Variants in TGM1 observed in about 807,000 individuals in gnomAD.
TGM1 encodes protein-glutamine gamma-glutamyltransferase K.
TGM1 carries 63 observed loss-of-function variants against 88.7 expected under a neutral mutation model. The ratio of observed to expected loss-of-function variants is 0.71; its 90% CI spans 0.58 to 0.88. The LOEUF (loss-of-function observed/expected upper bound fraction) is 0.88. Ranked by LOEUF, TGM1 falls within the 40% of genes least tolerant of loss-of-function variation. The probability of loss-of-function intolerance (pLI) is 0.00; values close to 1 mark genes in which losing one functional copy is unlikely to be tolerated. For missense variants in TGM1, 996 were observed against 1,118.0 expected (o/e 0.89, Z 1.56); for synonymous variants, 415 against 431.1 (o/e 0.96, Z 0.46).
At chr14:24,256,169 C>T (rs2748527) in intron 9 of TGM1, 92 bp from the exon 10 acceptor site, 1 of 1,107,976 alleles carries the variant, frequency 9.0e-7, no homozygotes, top group African/African-American at 1.6e-5. Flanking sequence ...GCCCCAGCCC[C>T]ACCCACTCAG....
intron 4 of TGM1, 118 bp downstream of exon 4, chr14:24,260,332 T>G (rs1295899613): frequency 6.6e-7 from 1 of 1,506,150 alleles, no homozygotes; most frequent in Non-Finnish European, 9.0e-7. Flanking sequence ...ATCTGCCCAA[T>G]GGGAGGCTGG....
intron 3 of TGM1, among the ~76,000 whole-genome samples, chr14:24,261,312 G>T (rs1031900296): frequency 6.6e-6 from 1 of 152,196 alleles, no homozygotes; most frequent in Non-Finnish European, 1.5e-5. Context: ...GAGAGAGACA[G>T]AATTGGCAGA....
chr14:24,260,016 T>A lies in TGM1; in HGVS notation c.800A>T (p.Tyr267Phe), dbSNP rs762845943. ...YVDHEDWRQE[Y>F]VLNESGRIYY... ...AATTCTCCCAGACTCATTAAGAACA[T>A]ACTCCTGCCGCCAATCCTCATGGTC... Residue 267 changes from tyrosine (Y) to phenylalanine (F), a missense_variant, in exon 5 of 15, where the codon TAT (tyrosine) becomes TTT (phenylalanine). By Grantham distance (22) the Tyr-to-Phe change is conservative. Coordinates refer to ENST00000206765, the MANE Select transcript of TGM1 (RefSeq NM_000359.3). 2 of 1,614,170 alleles carry A rather than the reference T, an allele frequency of 1.2e-6. No individual in the cohort carries two copies. The highest frequency in any genetic ancestry group is 1.7e-6 in the Non-Finnish European group (2 of 1,180,036).
In TGM1 at chr14:24,255,354, G is replaced by A. The variant is rs2040741534; in HGVS notation, c.1645+10C>T. The A allele has an allele frequency of 1.9e-6, 3 of 1,614,216 alleles. No homozygotes were observed. Among genetic ancestry groups the A allele is most frequent in the Admixed American group, 1.7e-5 (1 of 60,018 alleles). On this transcript the variant is annotated intron_variant, in intron 11 of 14. Transcript: ENST00000206765. This position sits in a 1 kb window ranked among gnomAD's most constrained non-coding sequence, Gnocchi z 4.0. ...GGGGCCCAGAGCTGGCTGGGTTGGG[G>A]GAATGGTACCTTCTGGGTGCTTATA...
chr14:24,259,293 T>G lies in TGM1; in HGVS notation c.985-44A>C. On this transcript the variant is annotated intron_variant, in intron 6 of 14. Coordinates refer to ENST00000206765, the MANE Select transcript of TGM1 (RefSeq NM_000359.3). This position sits in a 1 kb window ranked among gnomAD's most constrained non-coding sequence, Gnocchi z 5.7. ...GATAGGGCGGAGGTGGAGGAGGGGC[T>G]CAGGACCTGCCATGTGGTCCATGGG... The G allele has an allele frequency of 6.4e-7, 1 of 1,569,680 alleles. No homozygotes were observed. Among genetic ancestry groups the G allele is most frequent in the Non-Finnish European group, 8.7e-7 (1 of 1,153,614 alleles).
chr14:24,261,564 C>T, intron 3 of TGM1, 131 bp downstream of exon 3: 2 of 1,199,530 alleles, frequency 1.7e-6, no homozygotes, highest in Non-Finnish European at 2.4e-6. Context: ...CACCCACACA[C>T]TTGCACCTGC....
chr14:24,249,555 C>A lies in TGM1; in HGVS notation c.2226-14G>T, dbSNP rs994156584. The stretch of plus-strand genomic sequence containing the variant: ...CCTCCAATGTCCCTGTGGGCAGAGA[C>A]AAGGTCATGGGCCTGGAGTAATTGG... On this transcript the variant is annotated splice_polypyrimidine_tract_variant and intron_variant, in intron 14 of 14. Coordinates refer to ENST00000206765, the MANE Select transcript of TGM1 (RefSeq NM_000359.3). The A allele has an allele frequency of 6.2e-7, 1 of 1,611,268 alleles. No individual in the cohort carries two copies. The highest frequency in any genetic ancestry group is 8.5e-7 in the Non-Finnish European group (1 of 1,178,494).
chr14:24,249,372 C>A lies in TGM1; in HGVS notation c.2395G>T (p.Ala799Ser). 1.2e-6 allele frequency: 2 copies of A among 1,614,036 alleles called. No individual in the cohort carries two copies. Among genetic ancestry groups the A allele is most frequent in the Non-Finnish European group, 1.7e-6 (2 of 1,180,010 alleles). The stretch of plus-strand genomic sequence containing the variant: ...TCTCCTAAGTGACTGTCACCTCCAG[C>A]GTCTGAGAAGAAGCCCCCATCCCCA... Reference protein sequence around the residue: ...APGDGGFFSDAGGDSHLGETI... With the variant: ...APGDGGFFSDSGGDSHLGETI... Residue 799 changes from alanine (A) to serine (S), a missense_variant, in exon 15 of 15, where the codon GCT (alanine) becomes TCT (serine). Physicochemically the swap from Ala to Ser is moderately conservative, Grantham distance 99 (BLOSUM62 1). Transcript: ENST00000206765.
intron 13 of TGM1, 98 bp downstream of exon 13, chr14:24,254,566 A>G: frequency 1.3e-6 from 2 of 1,586,588 alleles, no homozygotes. Flanking sequence ...AAGGCTCATC[A>G]GGCCAGCCTG....
Position 24,249,461 on chromosome 14 carries a change from C to A in TGM1, c.2306G>T (p.Ser769Ile). The A allele has an allele frequency of 6.2e-7, 1 of 1,614,108 alleles. No homozygotes were observed. Among genetic ancestry groups the A allele is most frequent in the Non-Finnish European group, 8.5e-7 (1 of 1,180,034 alleles). ...CTGGGAGAGCTGTGGGCTGTCCAAGCTGGCAATGAGCTGGCGGGGGCCTGG... is the reference window on the plus strand; with the variant it reads ...CTGGGAGAGCTGTGGGCTGTCCAAGATGGCAATGAGCTGGCGGGGGCCTGG... ...VRPGPRQLIA[S>I]LDSPQLSQVH... is the part of the protein sequence containing the mutation. The change falls in exon 15 of 15, where the codon AGC becomes ATC. Residue 769 changes from serine (S) to isoleucine (I), a missense_variant. Physicochemically the swap from Ser to Ile is moderately radical, Grantham distance 142. Transcript: ENST00000206765.
Position 24,255,202 on chromosome 14 carries a change from T to C in TGM1, c.1697A>G (p.Lys566Arg). ...AVETAAAHGS[K>R]PNVYANRGSA... ...GCCCCGGTTGGCATACACATTGGGT[T>C]TGCTGCCGTGGGCTGCTGCTGTCTC... Residue 566 changes from lysine (K) to arginine (R), a missense_variant, in exon 12 of 15, where the codon AAA becomes AGA. Transcript: ENST00000206765. The surrounding 1 kb of genome is among the most constrained non-coding windows in gnomAD (Gnocchi z 4.0). 6.2e-7 allele frequency: 1 copy of C among 1,613,972 alleles called. No individual in the cohort carries two copies. The highest frequency in any genetic ancestry group is 8.5e-7 in the Non-Finnish European group (1 of 1,180,020).
At position 24,249,377 on chromosome 14, in the gene TGM1, G is replaced by A; in HGVS notation, c.2390C>T (p.Ser797Leu). ...APAPGDGGFF[S>L]DAGGDSHLGE... Reference sequence around the variant, plus strand: ...TAAGTGACTGTCACCTCCAGCGTCTGAGAAGAAGCCCCCATCCCCAGGGGC... The same window carrying A: ...TAAGTGACTGTCACCTCCAGCGTCTAAGAAGAAGCCCCCATCCCCAGGGGC... The change falls in exon 15 of 15, where the codon TCA (serine) becomes TTA (leucine). Residue 797 changes from serine (S) to leucine (L), a missense_variant. Physicochemically the swap from Ser to Leu is moderately radical, Grantham distance 145. Transcript: ENST00000206765. The A allele has an allele frequency of 6.2e-7, 1 of 1,614,080 alleles. No homozygotes were observed. The highest frequency in any genetic ancestry group is 8.5e-7 in the Non-Finnish European group (1 of 1,180,030).
intron 9 of TGM1, 78 bp from the exon 10 acceptor site, chr14:24,256,155 C>T (rs1040222531): frequency 2.5e-5 from 32 of 1,261,694 alleles, no homozygotes; most frequent in Admixed American, 4.0e-5. Flanking sequence ...AAGGTCCACA[C>T]AGGGCCCCAG....
At chr14:24,251,893 G>A (rs950957579) in intron 14 of TGM1, among the ~76,000 whole-genome samples, 3 of 152,180 alleles carry the variant, frequency 2.0e-5, no homozygotes, top group African/African-American at 7.2e-5. Flanking sequence ...CCCCTAAGAA[G>A]GCAGACTGAC....
chr14:24,255,550 AGC>A lies in TGM1; in HGVS notation c.1492-35_1492-34del, dbSNP rs1244592968. ...GGGTGGGGGTGAGCAGGAATGAGTG[AGC>A]CAGAGGGTCTGAGGGTGGCCTGACT... On this transcript the variant is annotated intron_variant, in intron 10 of 14. Transcript: ENST00000206765. The surrounding 1 kb of genome is among the most constrained non-coding windows in gnomAD (Gnocchi z 4.0). 1 of 1,611,708 alleles carries A rather than the reference AGC, an allele frequency of 6.2e-7. No individual in the cohort carries two copies. The highest frequency in any genetic ancestry group is 8.5e-7 in the Non-Finnish European group (1 of 1,179,912).
chr14:24,256,052 A>G lies in TGM1; in HGVS notation c.1428T>C (p.Ser476=), dbSNP rs1219514685. The change falls in exon 10 of 15, where the codon TCT becomes TCC. Residue 476 remains serine, a synonymous_variant. Transcript: ENST00000206765. ...SSGIFCCGPC[S]VESIKNGLVY... ...CCAGGCCATTCTTGATGGACTCCAC[A>G]GAGCAGGGGCCGCAGCAGAAGATGC... is the stretch of plus-strand genomic sequence containing the variant. 6.4e-7 allele frequency: 1 copy of G among 1,570,394 alleles called. No homozygotes were observed. Among genetic ancestry groups the G allele is most frequent in the Middle Eastern group, 1.7e-4 (1 of 6,008 alleles).
At chr14:24,260,247 C>T in intron 4 of TGM1, 189 bp from the exon 5 acceptor site, 4 of 981,516 alleles carry the variant, frequency 4.1e-6, no homozygotes, top group Non-Finnish European at 6.2e-6. Context: ...TAGCCAGGGG[C>T]CTTTGCCAGG....
rs1272975872 is a variant in TGM1, at chr14:24,261,694, C to T, written c.508+1G>A. The T allele has an allele frequency of 6.8e-6, 11 of 1,614,128 alleles. No individual in the cohort carries two copies. Among genetic ancestry groups the T allele is most frequent in the Non-Finnish European group, 9.3e-6 (11 of 1,180,004 alleles). On this transcript the variant is annotated splice_donor_variant, in intron 3 of 14. Transcript: ENST00000206765. LOFTEE classifies it high-confidence loss of function. ...CCCGTCCCAATCCAAGCCCCACTGA[C>T]CGATGAGTAACTCAAGGGTGATGCG...
rs149148326 is a variant in TGM1 at position 24,262,253 on chromosome 14, G to A, written c.100C>T (p.Arg34Cys). 3.7e-5 allele frequency: 60 copies of A among 1,613,556 alleles called. No individual in the cohort carries two copies. The highest frequency in any genetic ancestry group is 2.1e-4 in the African/African-American group (16 of 74,946). ...GAACGGCCTCCTCCTCTGCGAGAGCGTCCGTCTGGCTCTGGCTCTGGCTCT... is the reference window on the plus strand; with the variant it reads ...GAACGGCCTCCTCCTCTGCGAGAGCATCCGTCTGGCTCTGGCTCTGGCTCT... ...SPEPEPEPDGRSRRGGGRSFW... is the reference protein window; with the variant it reads ...SPEPEPEPDGCSRRGGGRSFW... The change falls in exon 2 of 15, where the codon CGC (arginine) becomes TGC (cysteine). Residue 34 changes from arginine (R) to cysteine (C), a missense_variant. Arg to Cys is a radical substitution (Grantham distance 180). Transcript: ENST00000206765.
Sources: gnomAD v4.1 joint callset for allele counts (sites outside exome capture counted in the v4.1 genomes callset) on GRCh38, gnomAD v4.1.1 for gene constraint, Gnocchi (gnomAD v3.1) non-coding constraint, MANE v1.5 for transcripts, NCBI Gene and HGNC (gene_info 2026-07-23, HGNC 2026-07-21) for gene names.